SLC12A8: variants seen among roughly 807,000 people sequenced by gnomAD.
SLC12A8 encodes cation-chloride cotransporter 9.
SLC12A8 carries 69 observed loss-of-function variants against 75.6 expected under a neutral mutation model. That is an observed-to-expected ratio of 0.91 (90% confidence interval 0.75 to 1.11). The LOEUF (loss-of-function observed/expected upper bound fraction) is 1.11. Ranked by LOEUF, SLC12A8 falls within the 50% of genes most tolerant of loss-of-function variation. SLC12A8 has a pLI of 0.00. For missense variants in SLC12A8, 877 were observed against 896.7 expected (o/e 0.98, Z 0.28); for synonymous variants, 365 against 372.8 (o/e 0.98, Z 0.24).
chr3:125,183,880 C>A (rs573549627), intron 4 of SLC12A8, among the ~76,000 whole-genome samples: 1 of 152,128 alleles, frequency 6.6e-6, no homozygotes, highest in South Asian at 2.1e-4. Flanking sequence ...GCAGGCCCTG[C>A]CACCAAGGCC....
intron 2 of SLC12A8, among the ~76,000 whole-genome samples, chr3:125,210,200 CACTTAAATACCAATTTAAAT>C (rs1164141194): frequency 6.6e-6 from 1 of 152,178 alleles, no homozygotes; most frequent in Non-Finnish European, 1.5e-5. Context: ...ATTTACTGTC[CACTTAAATACCAATTTAAAT>C]ACTTAAATAC....
intron 2 of SLC12A8, among the ~76,000 whole-genome samples, chr3:125,203,036 T>A (rs1307389249): frequency 1.5e-5 from 2 of 136,906 alleles, no homozygotes; most frequent in Admixed American, 8.5e-5. Flanking sequence ...TGCAGTGAGC[T>A]GAGATCGCAT....
intron 4 of SLC12A8, among the ~76,000 whole-genome samples, chr3:125,184,164 T>G (rs1934725139): frequency 6.6e-6 from 1 of 151,934 alleles, no homozygotes. Flanking sequence ...AGAGACAGGG[T>G]TTCACTATGT....
At chr3:125,168,714 G>A (rs905999203) in intron 5 of SLC12A8, among the ~76,000 whole-genome samples, 1 of 152,200 alleles carries the variant, frequency 6.6e-6, no homozygotes, top group African/African-American at 2.4e-5. Flanking sequence ...TCAAGGTCCT[G>A]GGGTTGAAGA....
At chr3:125,195,969 AG>A (rs763214732) in intron 2 of SLC12A8, among the ~76,000 whole-genome samples, 1 of 152,210 alleles carries the variant, frequency 6.6e-6, no homozygotes, top group Non-Finnish European at 1.5e-5. Context: ...GGAGCAAAAT[AG>A]ACCCTAATGC....
chr3:125,099,983 A>C (rs1938825990), intron 10 of SLC12A8, among the ~76,000 whole-genome samples: 2 of 152,230 alleles, frequency 1.3e-5, no homozygotes, highest in Admixed American at 1.3e-4. Context: ...TGAAAACTCT[A>C]CAGTTAGAAA....
At position 125,084,017 on chromosome 3, in the gene SLC12A8, G is replaced by A. The variant is rs201194975; in HGVS notation, c.2018C>T (p.Ala673Val). The A allele has an allele frequency of 6.6e-5, 107 of 1,612,846 alleles. No individual in the cohort carries two copies. Among genetic ancestry groups the A allele is most frequent in the Admixed American group, 1.7e-4 (10 of 59,828 alleles). Residue 673 changes from alanine (A) to valine (V), a missense_variant, in exon 14 of 14, where the codon GCG becomes GTG. Transcript: ENST00000469902. ...CATGTCAACCTTAGCCAGGGACGGC[G>A]CCAAGATGATCTGCTCCTGAGGGGA... ...LRSPQEQIIL[A>V]PSLAKVDMEM...
At chr3:125,116,876 G>A (rs1272494888) in intron 8 of SLC12A8, among the ~76,000 whole-genome samples, 1 of 152,188 alleles carries the variant, frequency 6.6e-6, no homozygotes, top group African/African-American at 2.4e-5. Flanking sequence ...TTCCTGTAAT[G>A]CAGCCAAGCT....
chr3:125,107,463 T>A lies in SLC12A8; in HGVS notation c.1705+18A>T, dbSNP rs1048669498. ...CATCCCCAAATAAGAGGCCCCAGTG[T>A]GATACCAGAGCACTCACCTTCTCCA... On this transcript the variant is annotated intron_variant, in intron 10 of 13. Coordinates refer to ENST00000469902, the MANE Select transcript of SLC12A8 (RefSeq NM_024628.6). 1.9e-6 allele frequency: 3 copies of A among 1,589,614 alleles called. No homozygotes were observed. In the African/African-American group the frequency reaches 4.0e-5, roughly 21 times the overall value.
At chr3:125,126,257 T>A (rs1484957977) in intron 6 of SLC12A8, among the ~76,000 whole-genome samples, 1 of 152,210 alleles carries the variant, frequency 6.6e-6, no homozygotes, top group Non-Finnish European at 1.5e-5. Context: ...AGGCTACACC[T>A]CGAGTGGCAT....
intron 5 of SLC12A8, among the ~76,000 whole-genome samples, chr3:125,149,522 C>A (rs1453122893): frequency 6.6e-6 from 1 of 152,154 alleles, no homozygotes; most frequent in Non-Finnish European, 1.5e-5. Flanking sequence ...AATCAAGGAA[C>A]AAGGATGCCT....
intron 5 of SLC12A8, among the ~76,000 whole-genome samples, chr3:125,168,779 G>C (rs578084331): frequency 6.6e-6 from 1 of 152,322 alleles, no homozygotes; most frequent in Admixed American, 6.5e-5. Flanking sequence ...GCAGAGGCAG[G>C]CATGCTTGCC....
intron 5 of SLC12A8, among the ~76,000 whole-genome samples, chr3:125,153,819 G>A (rs1295732710): frequency 1.3e-5 from 2 of 152,148 alleles, no homozygotes; most frequent in Admixed American, 6.5e-5. Flanking sequence ...AATGTGGGGC[G>A]GATGACGCAG....
chr3:125,182,192 T>G (rs1934679827), intron 4 of SLC12A8, among the ~76,000 whole-genome samples: 1 of 152,040 alleles, frequency 6.6e-6, no homozygotes, highest in African/African-American at 2.4e-5. Context: ...CTGAGCATAG[T>G]GGTGCACGCC....
At chr3:125,106,369 T>C (rs1001028860) in intron 10 of SLC12A8, among the ~76,000 whole-genome samples, 1 of 149,934 alleles carries the variant, frequency 6.7e-6, no homozygotes, top group African/African-American at 2.5e-5. Context: ...GTTGTTGTTG[T>C]TGTTTTGTTT....
chr3:125,187,147 C>A lies in SLC12A8; in HGVS notation c.390+90G>T. On this transcript the variant is annotated intron_variant, in intron 4 of 13. Coordinates refer to ENST00000469902, the MANE Select transcript of SLC12A8 (RefSeq NM_024628.6). ...TGTCACATGCGGCAATTGTCCCCAC[C>A]CTCGCTTCTCCCCAGGTCAAGTGAG... is the stretch of plus-strand genomic sequence containing the variant. 4 of 1,355,128 alleles carry A rather than the reference C, an allele frequency of 3.0e-6. No individual in the cohort carries two copies. In the South Asian group the frequency reaches 3.9e-5, roughly 13 times the overall value. The allele number at this position is 1,355,128 out of a possible 1,614,324, so 83.9% of individuals were successfully genotyped here.
At chr3:125,129,804 G>A (rs1933307487) in intron 6 of SLC12A8, among the ~76,000 whole-genome samples, 1 of 152,178 alleles carries the variant, frequency 6.6e-6, no homozygotes, top group South Asian at 2.1e-4. Flanking sequence ...ACATCTGCCA[G>A]GAGACAGCAA....
At chr3:125,113,473 A>T (rs895079745) in intron 8 of SLC12A8, among the ~76,000 whole-genome samples, 1 of 152,128 alleles carries the variant, frequency 6.6e-6, no homozygotes, top group Non-Finnish European at 1.5e-5. Flanking sequence ...CCATCCATCC[A>T]TCCATTCAGG....
intron 5 of SLC12A8, among the ~76,000 whole-genome samples, chr3:125,136,993 G>A (rs1275209183): frequency 6.6e-6 from 1 of 152,132 alleles, no homozygotes; most frequent in African/African-American, 2.4e-5. Context: ...GCCAATCCCT[G>A]CTCCTTTTCC....
Sources: allele counts gnomAD v4.1 joint callset (sites outside exome capture counted in the v4.1 genomes callset), GRCh38; gene constraint gnomAD v4.1.1; transcripts MANE v1.5; gene names NCBI Gene and HGNC (gene_info 2026-07-23, HGNC 2026-07-21).